SAP130: variants seen among roughly 807,000 people sequenced by gnomAD.
SAP130 encodes the protein Sin3A associated protein 130, also known as histone deacetylase complex subunit SAP130.
In SAP130, 16 loss-of-function variants were observed where a neutral mutation model predicts 103.2. The ratio of observed to expected loss-of-function variants is 0.16; its 90% CI spans 0.10 to 0.24. The LOEUF is 0.24. Among genes scored for constraint, SAP130 ranks in the 10% least tolerant of loss-of-function variants. The pLI, the probability that SAP130 is intolerant of heterozygous loss-of-function variation, is 1.00. For missense variants in SAP130, 990 were observed against 1,359.7 expected (o/e 0.73, Z 4.28); for synonymous variants, 477 against 497.0 (o/e 0.96, Z 0.53).
Position 127,964,870 on chromosome 2 carries a change from A to ACG in SAP130, c.2064-9528_2064-9527dup, listed in dbSNP as rs529706982. On this transcript the variant is annotated intron_variant, in intron 15 of 20. Transcript: ENST00000643581. ...AAATTAGCCAGGTTTGGTGGCACACACGCCTGTGATCCCAGCTACTCAGGA... is the reference window on the plus strand; with the variant it reads ...AAATTAGCCAGGTTTGGTGGCACACACGCGCCTGTGATCCCAGCTACTCAGGA... Among the ~76,000 whole-genome samples, 225 of 152,118 alleles carry ACG rather than the reference A, an allele frequency of 1.5e-3. 1 individual carries two copies. Among genetic ancestry groups the ACG allele is most frequent in the African/African-American group, 5.1e-3 (211 of 41,506 alleles).
At position 127,955,175 on chromosome 2, in the gene SAP130, G is replaced by T. The variant is rs948497826; in HGVS notation, c.2233C>A (p.Gln745Lys). 1.2e-6 allele frequency: 2 copies of T among 1,614,086 alleles called. No individual in the cohort carries two copies. Among genetic ancestry groups the T allele is most frequent in the African/African-American group, 2.7e-5 (2 of 74,930 alleles). Residue 745 changes from glutamine (Q) to lysine (K), a missense_variant, in exon 16 of 21, where the codon CAA (glutamine) becomes AAA (lysine). Around this residue, in one of 6 missense-constraint regions of SAP130, gnomAD observed 349 missense variants for 384.1 expected, o/e 0.91. Coordinates refer to ENST00000643581, the MANE Select transcript of SAP130 (RefSeq NM_001330301.2). The surrounding 1 kb of genome is among the most constrained non-coding windows in gnomAD (Gnocchi z 4.9). ...ATGGTTGAAAGGGCAACGGCTGGTT[G>T]TGACGGGGGACTGGCTGCTGCAATC... is the stretch of plus-strand genomic sequence containing the variant. ...TMIAAASPPS[Q>K]PAVALSTIPG...
chr2:127,949,202 G>GA (rs2104719806), intron 18 of SAP130, among the ~76,000 whole-genome samples: 1 of 152,320 alleles, frequency 6.6e-6, no homozygotes, highest in East Asian at 1.9e-4. Context: ...TTATGTAAGA[G>GA]AATGGGAAAT....
chr2:128,018,483 CA>C (rs759445928), intron 2 of SAP130, among the ~76,000 whole-genome samples: 1,517 of 69,356 alleles, frequency 0.022, 12 homozygotes, highest in African/African-American at 0.075. Context: ...AGATTGTCTC[CA>C]AAAAAAAAAA....
At chr2:128,010,217 G>A in intron 7 of SAP130, 52 bp downstream of exon 7, 1 of 1,559,750 alleles carries the variant, frequency 6.4e-7, no homozygotes, top group Non-Finnish European at 8.7e-7. Context: ...AGAAAAAAGA[G>A]TGAAGGAGGA....
chr2:127,973,588 C>T (rs114540340), intron 15 of SAP130, among the ~76,000 whole-genome samples: 238 of 152,270 alleles, frequency 1.6e-3, no homozygotes, highest in African/African-American at 5.5e-3. Flanking sequence ...CTTGGGTATC[C>T]AATCATCTAG....
intron 15 of SAP130, 88 bp downstream of exon 15, chr2:127,977,897 G>T: frequency 2.0e-6 from 2 of 1,013,626 alleles, no homozygotes; most frequent in South Asian, 1.4e-5. Flanking sequence ...AACCTAACAA[G>T]ACTATGTCAT....
Position 127,999,957 on chromosome 2 carries a change from C to T in SAP130, c.1108+99G>A, listed in dbSNP as rs951573880. The T allele has an allele frequency of 2.1e-5, 30 of 1,449,904 alleles. No individual in the cohort carries two copies. The East Asian group carries it at 3.7e-4, about 18-fold the overall frequency. 89.8% of individuals were successfully genotyped at this position (1,449,904 alleles called of 1,614,324 possible). On this transcript the variant is annotated intron_variant, in intron 9 of 20. Coordinates refer to ENST00000643581, the MANE Select transcript of SAP130 (RefSeq NM_001330301.2). ...AAAAGTTAAGAGAATTTTTCTAGCC[C>T]GTTGTTTTTCTCTGACTGAAGGTGA...
rs1683181191 is a variant in SAP130, at chr2:127,996,444, G to A, written c.1261C>T (p.Pro421Ser). 4.4e-6 allele frequency: 7 copies of A among 1,606,038 alleles called. No individual in the cohort carries two copies. The East Asian group carries it at 1.1e-4, about 26-fold the overall frequency. ...CTACTCCTCTCGGCAGGGTAGTCTG[G>A]CTGGATCCGAGGAGAAGTGTGCGTG... The part of the protein sequence containing the change: ...QITHTSPRIQ[P>S]DYPAERSSLI... The change falls in exon 11 of 21, where the codon CCA becomes TCA. Residue 421 changes from proline to serine, a missense_variant. Physicochemically the swap from Pro to Ser is moderately conservative, Grantham distance 74. Coordinates refer to ENST00000643581, the MANE Select transcript of SAP130 (RefSeq NM_001330301.2). The surrounding 1 kb of genome is among the most constrained non-coding windows in gnomAD (Gnocchi z 4.3).
chr2:128,027,075 G>A (rs1685558711), intron 1 of SAP130: 2 of 1,439,638 alleles, frequency 1.4e-6, no homozygotes, highest in Admixed American at 2.2e-5. Flanking sequence ...CACAAGACGA[G>A]CACTGTGCCT....
At position 127,976,900 on chromosome 2, in the gene SAP130, A is replaced by AAAAC. The variant is rs1294965204; in HGVS notation, c.2063+1081_2063+1084dup. Among the ~76,000 whole-genome samples, 68 of 152,250 alleles carry AAAAC rather than the reference A, an allele frequency of 4.5e-4. 1 individual carries two copies. Among genetic ancestry groups the AAAAC allele is most frequent in the African/African-American group, 1.5e-3 (62 of 41,552 alleles). ...TGGTGACAGAGCAAGACTCTGTCTCAAAACAAACGAACAAACAAAAAGAAT... is the reference window on the plus strand; with the variant it reads ...TGGTGACAGAGCAAGACTCTGTCTCAAAACAAACAAACGAACAAACAAAAAGAAT... On this transcript the variant is annotated intron_variant, in intron 15 of 20. Transcript: ENST00000643581.
chr2:127,959,779 T>G (rs1680107378), intron 15 of SAP130, among the ~76,000 whole-genome samples: 1 of 152,158 alleles, frequency 6.6e-6, no homozygotes, highest in Admixed American at 6.6e-5. Flanking sequence ...AATATGCAAT[T>G]ACTAATTCAC....
At position 128,018,336 on chromosome 2, in the gene SAP130, C is replaced by A. The variant is rs1486111385; in HGVS notation, c.113-421G>T. 1.1e-3 allele frequency among the ~76,000 whole-genome samples: 143 copies of A among 131,916 alleles called. No homozygotes were observed. The East Asian group carries it at 0.018, about 17-fold the overall frequency. 86.5% of individuals were successfully genotyped at this position (131,916 alleles called of 152,430 possible). A position where few individuals can be genotyped will look rare whatever the true frequency, so the allele number is the denominator to read the frequency against. On this transcript the variant is annotated intron_variant, in intron 2 of 20. Coordinates refer to ENST00000643581, the MANE Select transcript of SAP130 (RefSeq NM_001330301.2). Reference sequence around the variant, plus strand: ...TACAAAAAAAAAAAAAAAAAACAAACCAAAAACCAAAAACCACGTTTTTTT... The same window carrying A: ...TACAAAAAAAAAAAAAAAAAACAAAACAAAAACCAAAAACCACGTTTTTTT...
In SAP130 at chr2:127,942,757, G is replaced by A. The variant is rs1488982306; in HGVS notation, c.2902-220C>T. Among the ~76,000 whole-genome samples the A allele has an allele frequency of 3.9e-5, 6 of 152,204 alleles. No homozygotes were observed. The highest frequency in any genetic ancestry group is 2.1e-4 in the South Asian group (1 of 4,836). ...TAATCCCAGCACTTTGGGAGGTCGA[G>A]GCGGGTGGATCACCTGAGGTCCAGA... On this transcript the variant is annotated intron_variant, in intron 19 of 20. Coordinates refer to ENST00000643581, the MANE Select transcript of SAP130 (RefSeq NM_001330301.2). The surrounding 1 kb of genome is among the most constrained non-coding windows in gnomAD (Gnocchi z 4.8).
intron 11 of SAP130, among the ~76,000 whole-genome samples, chr2:127,994,155 T>C (rs1298719216): frequency 6.6e-6 from 1 of 152,070 alleles, no homozygotes; most frequent in African/African-American, 2.4e-5. Context: ...TTTTAAAAAT[T>C]AAAAGAGAAC....
chr2:127,945,339 A>ATT (rs1679001507), intron 19 of SAP130, 117 bp downstream of exon 19: 1 of 647,138 alleles, frequency 1.5e-6, no homozygotes, highest in African/African-American at 1.8e-5. Flanking sequence ...ATTCTATCAT[A>ATT]ACCCATGTTA....
intron 12 of SAP130, among the ~76,000 whole-genome samples, chr2:127,992,731 C>T (rs911040908): frequency 8.5e-5 from 13 of 152,154 alleles, no homozygotes; most frequent in African/African-American, 2.7e-4. Context: ...AGCATAACAA[C>T]TAAAAAACAT....
At position 127,992,285 on chromosome 2, in the gene SAP130, C is replaced by CT. The variant is rs747417050; in HGVS notation, c.1477+901dup. ...CAGCGCCCGGCCCCAGGCAATAAGGCTTTTTTTTTTTTTTTGAGATAGTTT... is the reference window on the plus strand; with the variant it reads ...CAGCGCCCGGCCCCAGGCAATAAGGCTTTTTTTTTTTTTTTTGAGATAGTTT... On this transcript the variant is annotated intron_variant, in intron 12 of 20. Transcript: ENST00000643581. 9.0e-3 allele frequency among the ~76,000 whole-genome samples: 1,115 copies of CT among 123,384 alleles called. 18 individuals are homozygous for CT. The highest frequency in any genetic ancestry group is 0.023 in the African/African-American group (749 of 32,936). 80.9% of individuals were successfully genotyped at this position (123,384 alleles called of 152,430 possible).
In SAP130 at chr2:127,996,311, G is replaced by A. The variant is rs1428144232; in HGVS notation, c.1355+39C>T. 4 of 1,521,846 alleles carry A rather than the reference G, an allele frequency of 2.6e-6. No homozygotes were observed. Among genetic ancestry groups the A allele is most frequent in the Admixed American group, 2.1e-5 (1 of 48,564 alleles). 94.3% of individuals were successfully genotyped at this position (1,521,846 alleles called of 1,614,324 possible). On this transcript the variant is annotated intron_variant, in intron 11 of 20. Transcript: ENST00000643581. This position sits in a 1 kb window ranked among gnomAD's most constrained non-coding sequence, Gnocchi z 4.3. ...ATGCTGATAAAGCAGAACGATTAAT[G>A]ACACAGTGAGGCAGAATAACTGACA...
In SAP130 at chr2:128,012,407, T is replaced by C. The variant is rs1437611595; in HGVS notation, c.744+623A>G. Among the ~76,000 whole-genome samples the C allele has an allele frequency of 2.0e-5, 3 of 151,978 alleles. No homozygotes were observed. In the East Asian group the frequency reaches 5.8e-4, roughly 29 times the overall value. On this transcript the variant is annotated intron_variant, in intron 6 of 20. Transcript: ENST00000643581. Reference sequence around the variant, plus strand: ...ATCGCTTGAACCCAGGAAGCAGAGGTTGCAGTGAGCTGGGATCGCACCACT... The same window carrying C: ...ATCGCTTGAACCCAGGAAGCAGAGGCTGCAGTGAGCTGGGATCGCACCACT...
Sources: allele counts gnomAD v4.1 joint callset (sites outside exome capture counted in the v4.1 genomes callset), GRCh38; gene constraint gnomAD v4.1.1; regional missense constraint gnomAD v4.1.1; non-coding constraint Gnocchi (gnomAD v3.1); transcripts MANE v1.5; gene names NCBI Gene and HGNC (gene_info 2026-07-23, HGNC 2026-07-21).